The following ZFP90 variants were observed in gnomAD, a reference collection of about 807,000 sequenced individuals.
ZFP90 encodes ZFP90 zinc finger protein.
In ZFP90, 38 loss-of-function variants were observed where a neutral mutation model predicts 60.8. The ratio of observed to expected loss-of-function variants is 0.62; its 90% CI spans 0.48 to 0.82. The LOEUF is 0.82. Among genes scored for constraint, ZFP90 ranks in the 40% least tolerant of loss-of-function variants. The pLI, the probability that ZFP90 is intolerant of heterozygous loss-of-function variation, is 0.00. For missense variants in ZFP90, 711 were observed against 759.1 expected, an observed-to-expected ratio of 0.94 and a Z score of 0.74; for synonymous variants, 287 against 264.8, an observed-to-expected ratio of 1.08 and a Z score of -0.82.
At chr16:68,557,426 C>T (rs1427931874) in intron 2 of ZFP90, 1 of 359,868 alleles carries the variant, frequency 2.8e-6, no homozygotes, top group African/African-American at 2.1e-5. Context: ...GCAATTATTC[C>T]ACTATGCAAA....
intron 2 of ZFP90, among the ~76,000 whole-genome samples, chr16:68,540,189 G>A (rs186644376): frequency 1.6e-4 from 25 of 152,226 alleles, no homozygotes; most frequent in African/African-American, 5.5e-4. Context: ...AGTGACTGTC[G>A]GCAAGTGTGG....
chr16:68,547,429 G>A (rs1814299), intron 2 of ZFP90, among the ~76,000 whole-genome samples: 116,522 of 152,022 alleles, frequency 0.77, 44,739 homozygotes, highest in East Asian at 0.82. Context: ...TTTTTGAATT[G>A]TTTTTTGTTG....
intron 2 of ZFP90, among the ~76,000 whole-genome samples, chr16:68,555,785 T>C (rs1451330694): frequency 2.6e-5 from 4 of 152,114 alleles, no homozygotes; most frequent in Admixed American, 2.6e-4. Context: ...ACCTGAAGTA[T>C]GAAATGGAAT....
rs2091505608 is a variant in ZFP90 at position 68,565,146 on chromosome 16, G to A, written c.*448G>A. 1.0e-6 allele frequency: 1 copy of A among 992,184 alleles called. No homozygotes were observed. Among genetic ancestry groups the A allele is most frequent in the Non-Finnish European group, 1.2e-6 (1 of 834,290 alleles). 61.5% of individuals were successfully genotyped at this position (992,184 alleles called of 1,614,324 possible). A position where few individuals can be genotyped will look rare whatever the true frequency, so the allele number is the denominator to read the frequency against. On this transcript the variant is annotated 3_prime_UTR_variant, in exon 5 of 5. Transcript: ENST00000563169. Reference sequence around the variant, plus strand: ...TGGAAACCAGTTCCAACTCCAGGAAGTCACCATTCAAAGAATTAGATCAAC... The same window carrying A: ...TGGAAACCAGTTCCAACTCCAGGAAATCACCATTCAAAGAATTAGATCAAC...
intron 4 of ZFP90, among the ~76,000 whole-genome samples, chr16:68,559,384 C>T (rs1025230635): frequency 2.6e-5 from 4 of 152,134 alleles, no homozygotes; most frequent in African/African-American, 9.7e-5. Context: ...TTGCCTATTT[C>T]TCATTTCTAC....
In ZFP90 at chr16:68,564,726, A is replaced by G; in HGVS notation, c.*28A>G. On this transcript the variant is annotated 3_prime_UTR_variant, in exon 5 of 5. Transcript: ENST00000563169. ...ACCGTGAAATTAAGGAATTTGCAGA[A>G]TGCTTTAGCTAAAATGTTCTGATTC... The G allele has an allele frequency of 6.4e-7, 1 of 1,570,548 alleles. No homozygotes were observed. The highest frequency in any genetic ancestry group is 8.6e-7 in the Non-Finnish European group (1 of 1,162,950).
chr16:68,564,858 T>C lies in ZFP90; in HGVS notation c.*160T>C. The C allele has an allele frequency of 8.9e-7, 1 of 1,124,380 alleles. No individual in the cohort carries two copies. Among genetic ancestry groups the C allele is most frequent in the Non-Finnish European group, 1.2e-6 (1 of 853,028 alleles). The allele number at this position is 1,124,380 out of a possible 1,614,324, so 69.7% of individuals were successfully genotyped here. ...GTAGACAGATTTTTTTTTTTTAACA[T>C]AAAGACACATTCTCAGATCTGATTA... is the stretch of plus-strand genomic sequence containing the variant. On this transcript the variant is annotated 3_prime_UTR_variant, in exon 5 of 5. Coordinates refer to ENST00000563169, the MANE Select transcript of ZFP90 (RefSeq NM_001305203.2).
intron 3 of ZFP90, 37 bp from the exon 4 acceptor site, chr16:68,558,436 A>C: frequency 6.3e-7 from 1 of 1,596,026 alleles, no homozygotes; most frequent in Non-Finnish European, 8.6e-7. Flanking sequence ...GTCCACTTGC[A>C]CAAACAACCA....
At chr16:68,573,226 A>C (rs886113949) in intron 2 of ZFP90, among the ~76,000 whole-genome samples, 25 of 152,316 alleles carry the variant, frequency 1.6e-4, no homozygotes, top group Admixed American at 8.5e-4. Flanking sequence ...TCACCTTGAG[A>C]CTGGTTAGAG....
chr16:68,535,431 C>T (rs1389081003), upstream of ZFP90: 1 of 152,086 alleles, frequency 6.6e-6, no homozygotes, highest in African/African-American at 2.4e-5. Context: ...GGGAGTGTCT[C>T]CTATTAGATA....
chr16:68,537,831 G>A (rs932932287), upstream of ZFP90, among the ~76,000 whole-genome samples: 1 of 152,026 alleles, frequency 6.6e-6, no homozygotes, highest in African/African-American at 2.4e-5. Flanking sequence ...TGCTATTGAC[G>A]TGTTATTTCA....
chr16:68,565,145 A>C lies in ZFP90; in HGVS notation c.*447A>C. On this transcript the variant is annotated 3_prime_UTR_variant, in exon 5 of 5. Transcript: ENST00000563169. Reference sequence around the variant, plus strand: ...ATGGAAACCAGTTCCAACTCCAGGAAGTCACCATTCAAAGAATTAGATCAA... The same window carrying C: ...ATGGAAACCAGTTCCAACTCCAGGACGTCACCATTCAAAGAATTAGATCAA... 1.0e-6 allele frequency: 1 copy of C among 992,816 alleles called. No homozygotes were observed. The allele number at this position is 992,816 out of a possible 1,614,324, so 61.5% of individuals were successfully genotyped here. A position where few individuals can be genotyped will look rare whatever the true frequency, so the allele number is the denominator to read the frequency against.
chr16:68,542,483 A>G (rs180699811), intron 2 of ZFP90, among the ~76,000 whole-genome samples: 1 of 152,106 alleles, frequency 6.6e-6, no homozygotes, highest in East Asian at 1.9e-4. Flanking sequence ...CCCAGCTACT[A>G]GGGAGGCTGA....
At chr16:68,539,847 T>A (rs759059455) in intron 2 of ZFP90, 22 bp downstream of exon 2, 18 of 1,604,566 alleles carry the variant, frequency 1.1e-5, no homozygotes, top group Middle Eastern at 3.3e-4. Context: ...GTTCCTAACC[T>A]CCTGGGCATC....
chr16:68,537,661 G>A (rs1022946361), upstream of ZFP90, among the ~76,000 whole-genome samples: 1 of 151,522 alleles, frequency 6.6e-6, no homozygotes, highest in Non-Finnish European at 1.5e-5. Flanking sequence ...TGCTTCCCGG[G>A]TTCAAACGAT....
intron 2 of ZFP90, among the ~76,000 whole-genome samples, chr16:68,554,816 G>A (rs918084696): frequency 3.3e-5 from 5 of 152,142 alleles, no homozygotes; most frequent in African/African-American, 1.2e-4. Context: ...AATAAACCAG[G>A]AGGCCATATG....
intron 2 of ZFP90, among the ~76,000 whole-genome samples, chr16:68,547,502 A>G (rs2091171632): frequency 6.6e-6 from 1 of 152,164 alleles, no homozygotes; most frequent in African/African-American, 2.4e-5. Flanking sequence ...ACTTTTTAAT[A>G]GAAAAAAGTC....
chr16:68,563,089 A>T lies in ZFP90; in HGVS notation c.302A>T (p.Asp101Val), dbSNP rs1307733041. The T allele has an allele frequency of 6.2e-7, 1 of 1,614,184 alleles. No individual in the cohort carries two copies. The highest frequency in any genetic ancestry group is 8.5e-7 in the Non-Finnish European group (1 of 1,180,030). The stretch of plus-strand genomic sequence containing the variant: ...GTCAAATCATCACATTTGCAGCAGG[A>T]TGTATCAGAAGTATCCCACTGCACA... ...PEVKSSHLQQ[D>V]VSEVSHCTHD... The change falls in exon 5 of 5, where the codon GAT becomes GTT. Residue 101 changes from aspartate (D) to valine (V), a missense_variant. Physicochemically the swap from Asp to Val is radical, Grantham distance 152. This residue lies in a region of ZFP90 where 241 missense variants were observed against 247.6 expected (regional missense o/e 0.97). Transcript: ENST00000563169.
rs752290151 is a variant in ZFP90, at chr16:68,563,128, A to G, written c.341A>G (p.His114Arg). The change falls in exon 5 of 5, where the codon CAT (histidine) becomes CGT (arginine). Residue 114 changes from histidine to arginine, a missense_variant. Coordinates refer to ENST00000563169, the MANE Select transcript of ZFP90 (RefSeq NM_001305203.2). ...TCCCACTGCACACATGATCTCTTACATGCTACATTAGAAGACTCCTGGGAT... is the reference window on the plus strand; with the variant it reads ...TCCCACTGCACACATGATCTCTTACGTGCTACATTAGAAGACTCCTGGGAT... ...EVSHCTHDLL[H>R]ATLEDSWDVS... is the part of the protein sequence containing the mutation. 13 of 1,614,056 alleles carry G rather than the reference A, an allele frequency of 8.1e-6. No homozygotes were observed. Among genetic ancestry groups the G allele is most frequent in the Admixed American group, 3.3e-5 (2 of 59,992 alleles).
Sources: allele counts gnomAD v4.1 joint callset (sites outside exome capture counted in the v4.1 genomes callset), GRCh38; gene constraint gnomAD v4.1.1; regional missense constraint gnomAD v4.1.1; transcripts MANE v1.5; gene names NCBI Gene and HGNC (gene_info 2026-07-23, HGNC 2026-07-21).